Variants in COL8A1 observed in about 807,000 individuals in gnomAD.
COL8A1 encodes collagen type VIII alpha 1 chain.
Under a neutral mutation model 42.7 loss-of-function variants are expected in COL8A1, and 21 were observed. The observed-to-expected ratio is 0.49, with a 90% CI of 0.35 to 0.71. COL8A1 has a LOEUF of 0.71. Among genes scored for constraint, COL8A1 ranks in the 30% least tolerant of loss-of-function variants. The pLI is 0.01. For missense variants in COL8A1, 788 were observed against 962.4 expected, an observed-to-expected ratio of 0.82 and a Z score of 2.40; for synonymous variants, 367 against 369.1, an observed-to-expected ratio of 0.99 and a Z score of 0.06.
intron 1 of COL8A1, among the ~76,000 whole-genome samples, chr3:99,641,391 TC>T (rs1937507007): frequency 6.6e-6 from 1 of 152,172 alleles, no homozygotes; most frequent in African/African-American, 2.4e-5. Context: ...TTCTTAGCCC[TC>T]CTTCTTTAGC....
chr3:99,735,644 A>T (rs1420102695), intron 1 of COL8A1, among the ~76,000 whole-genome samples: 1 of 149,726 alleles, frequency 6.7e-6, no homozygotes, highest in African/African-American at 2.5e-5. Flanking sequence ...TGGCTTTGGT[A>T]TCAGAATGAT....
At position 99,796,876 on chromosome 3, in the gene COL8A1, G is replaced by A. The variant is rs191790396; in HGVS notation, c.*740G>A. The A allele has an allele frequency of 3.9e-5, 6 of 152,302 alleles. No homozygotes were observed. Among genetic ancestry groups the A allele is most frequent in the Admixed American group, 2.6e-4 (4 of 15,306 alleles). 9.4% of individuals were successfully genotyped at this position (152,302 alleles called of 1,614,324 possible). ...GGAGCATTAGACAGTAACCCTCAAG[G>A]AGCTAGAGAACCGGATGGGAGACAT... On this transcript the variant is annotated 3_prime_UTR_variant, in exon 4 of 4. Transcript: ENST00000652472.
At chr3:99,685,221 T>G (rs1218890966) in intron 1 of COL8A1, among the ~76,000 whole-genome samples, 1 of 152,188 alleles carries the variant, frequency 6.6e-6, no homozygotes, top group Non-Finnish European at 1.5e-5. Flanking sequence ...TTCTTAACAC[T>G]GTCTTACCAT....
chr3:99,761,532 C>A (rs1941364374), intron 2 of COL8A1, among the ~76,000 whole-genome samples: 1 of 152,198 alleles, frequency 6.6e-6, no homozygotes, highest in African/African-American at 2.4e-5. Flanking sequence ...CCTCCTTGCA[C>A]ATGATACAGG....
At chr3:99,725,873 A>T (rs532535001) in intron 1 of COL8A1, among the ~76,000 whole-genome samples, 1 of 152,202 alleles carries the variant, frequency 6.6e-6, no homozygotes, top group South Asian at 2.1e-4. Flanking sequence ...CGCAATAAAC[A>T]TACGTGTGCA....
intron 2 of COL8A1, among the ~76,000 whole-genome samples, chr3:99,764,785 C>T (rs1000237372): frequency 3.4e-5 from 5 of 148,650 alleles, no homozygotes; most frequent in African/African-American, 9.9e-5. Context: ...TCTGCAACCT[C>T]TGCAGTCAGG....
rs1942066673 is a variant in COL8A1, at chr3:99,794,624, A to C, written c.723A>C (p.Gly241=). 6.2e-6 allele frequency: 10 copies of C among 1,613,482 alleles called. No individual in the cohort carries two copies. Among genetic ancestry groups the C allele is most frequent in the Non-Finnish European group, 8.5e-6 (10 of 1,179,784 alleles). The part of the protein sequence containing the change: ...PGPQGLRGPK[G]DKGFGMPGAP... ...CTCAAGGCCTTCGGGGTCCTAAAGG[A>C]GACAAGGGCTTCGGGATGCCAGGTG... Residue 241 remains glycine (G), a synonymous_variant, in exon 4 of 4, where the codon GGA becomes GGC. Transcript: ENST00000652472. This position sits in a 1 kb window ranked among gnomAD's most constrained non-coding sequence, Gnocchi z 4.3.
At chr3:99,682,321 A>T (rs1938907965) in intron 1 of COL8A1, among the ~76,000 whole-genome samples, 1 of 152,082 alleles carries the variant, frequency 6.6e-6, no homozygotes, top group African/African-American at 2.4e-5. Context: ...GGAGTCTGAG[A>T]TGGCAGAATG....
chr3:99,650,310 G>A (rs1175053050), intron 1 of COL8A1, among the ~76,000 whole-genome samples: 1 of 152,144 alleles, frequency 6.6e-6, no homozygotes, highest in African/African-American at 2.4e-5. Flanking sequence ...CCTATGCACT[G>A]TATTGAATAA....
At chr3:99,680,776 G>T (rs1559776953) in intron 1 of COL8A1, among the ~76,000 whole-genome samples, 1 of 152,086 alleles carries the variant, frequency 6.6e-6, no homozygotes, top group Non-Finnish European at 1.5e-5. Flanking sequence ...GCATGGTACT[G>T]GTACCAAAAC....
chr3:99,692,294 C>A (rs1939243326), intron 1 of COL8A1, among the ~76,000 whole-genome samples: 1 of 152,226 alleles, frequency 6.6e-6, no homozygotes, highest in African/African-American at 2.4e-5. Context: ...CAACTGAAAC[C>A]TTCTGTAGCT....
At chr3:99,759,138 T>G (rs1941317092) in intron 2 of COL8A1, among the ~76,000 whole-genome samples, 1 of 151,530 alleles carries the variant, frequency 6.6e-6, no homozygotes, top group Non-Finnish European at 1.5e-5. Context: ...TACCTCTATC[T>G]AAAATTATTT....
Position 99,795,064 on chromosome 3 carries a change from C to G in COL8A1, c.1163C>G (p.Pro388Arg). ...ATAGGTGCCCCAGGAATAGGGGGTC[C>G]TCCAGGAGAGCCAGGCCTGCCTGGA... The part of the protein sequence containing the change: ...GPIGAPGIGG[P>R]PGEPGLPGIP... The change falls in exon 4 of 4, where the codon CCT becomes CGT. Residue 388 changes from proline (P) to arginine (R), a missense_variant. Transcript: ENST00000652472. 6.2e-7 allele frequency: 1 copy of G among 1,610,438 alleles called. No individual in the cohort carries two copies. The highest frequency in any genetic ancestry group is 8.5e-7 in the Non-Finnish European group (1 of 1,178,416).
In COL8A1 at chr3:99,762,177, T is replaced by G. The variant is rs565699926; in HGVS notation, c.-4+17156T>G. Among the ~76,000 whole-genome samples, 47 of 152,360 alleles carry G rather than the reference T, an allele frequency of 3.1e-4. No homozygotes were observed. In the South Asian group the frequency reaches 8.3e-3, roughly 27 times the overall value. On this transcript the variant is annotated intron_variant, in intron 2 of 3. Coordinates refer to ENST00000652472, the MANE Select transcript of COL8A1 (RefSeq NM_020351.4). Reference sequence around the variant, plus strand: ...ATAGATAGTCATCGCTGGTATTTTGTTGGCTCTCCTCTGCTCTTGTATTTG... The same window carrying G: ...ATAGATAGTCATCGCTGGTATTTTGGTGGCTCTCCTCTGCTCTTGTATTTG...
chr3:99,702,978 G>A (rs970364832), intron 1 of COL8A1, among the ~76,000 whole-genome samples: 17 of 152,200 alleles, frequency 1.1e-4, no homozygotes, highest in African/African-American at 4.1e-4. Context: ...TTTTGAATGG[G>A]GGGCATGTTT....
At chr3:99,771,180 C>G (rs535231027) in intron 2 of COL8A1, among the ~76,000 whole-genome samples, 1 of 152,178 alleles carries the variant, frequency 6.6e-6, no homozygotes, top group African/African-American at 2.4e-5. Flanking sequence ...AGATAGGGAT[C>G]TGTAAGTCAC....
At chr3:99,706,536 T>C (rs1012796216) in intron 1 of COL8A1, among the ~76,000 whole-genome samples, 1 of 152,218 alleles carries the variant, frequency 6.6e-6, no homozygotes, top group Non-Finnish European at 1.5e-5. Context: ...ATTCCAAAAC[T>C]TTAAACATGT....
intron 1 of COL8A1, among the ~76,000 whole-genome samples, chr3:99,713,646 T>C (rs1005373329): frequency 2.0e-5 from 3 of 152,110 alleles, no homozygotes; most frequent in African/African-American, 7.2e-5. Flanking sequence ...TCTGGTGAGC[T>C]AAGCACCTTG....
chr3:99,791,158 T>G, intron 3 of COL8A1, 148 bp downstream of exon 3: 1 of 718,994 alleles, frequency 1.4e-6, no homozygotes, highest in Non-Finnish European at 2.2e-6. Flanking sequence ...CTAACCATAT[T>G]CTTGAAAACT....
Sources: gnomAD v4.1 joint callset for allele counts (sites outside exome capture counted in the v4.1 genomes callset) on GRCh38, gnomAD v4.1.1 for gene constraint, Gnocchi (gnomAD v3.1) non-coding constraint, MANE v1.5 for transcripts, NCBI Gene and HGNC (gene_info 2026-07-23, HGNC 2026-07-21) for gene names.